Variants in GABRG3 observed in about 807,000 individuals in gnomAD.
GABRG3 encodes gamma-aminobutyric acid receptor subunit gamma-3.
GABRG3 carries 25 observed loss-of-function variants against 48.8 expected under a neutral mutation model. The observed-to-expected ratio is 0.51, with a 90% CI of 0.37 to 0.72. GABRG3 has a LOEUF of 0.72. GABRG3 is among the 30% of genes least tolerant of loss of function. The pLI, the probability that GABRG3 is intolerant of heterozygous loss-of-function variation, is 0.00. For missense variants in GABRG3, 394 were observed against 577.9 expected (o/e 0.68, Z 3.26); for synonymous variants, 227 against 217.6 (o/e 1.04, Z -0.38).
chr15:27,160,684 T>C (rs1459083529), intron 3 of GABRG3, among the ~76,000 whole-genome samples: 2 of 151,950 alleles, frequency 1.3e-5, no homozygotes, highest in Admixed American at 6.6e-5. Context: ...TTTTGGAGGA[T>C]CTTAACCATA....
chr15:27,193,218 C>T (rs887605796), intron 3 of GABRG3, among the ~76,000 whole-genome samples: 5 of 152,194 alleles, frequency 3.3e-5, no homozygotes, highest in African/African-American at 9.6e-5. Flanking sequence ...TCTCCAGCTG[C>T]GTGCTGGGAG....
At chr15:27,199,885 C>G (rs190130947) in intron 3 of GABRG3, among the ~76,000 whole-genome samples, 1 of 151,438 alleles carries the variant, frequency 6.6e-6, no homozygotes, top group Non-Finnish European at 1.5e-5. Context: ...TTCTTCCTCC[C>G]TCCCTGCTTC....
chr15:27,512,281 GAGT>G (rs971617466), intron 6 of GABRG3, among the ~76,000 whole-genome samples: 22 of 104,876 alleles, frequency 2.1e-4, no homozygotes, highest in Admixed American at 8.0e-4. Flanking sequence ...TGGTGCATTA[GAGT>G]AGTAAAATGT....
intron 3 of GABRG3, among the ~76,000 whole-genome samples, chr15:27,141,732 C>G (rs940107522): frequency 6.6e-6 from 1 of 152,146 alleles, no homozygotes; most frequent in Non-Finnish European, 1.5e-5. Context: ...TCATCCTGAA[C>G]AATATGTGTG....
rs372473410 is a variant in GABRG3 at position 27,223,765 on chromosome 15, AAC to A, written c.271-103041_271-103040del. Among the ~76,000 whole-genome samples, 120 of 152,202 alleles carry A rather than the reference AAC, an allele frequency of 7.9e-4. 3 individuals are homozygous for A. The East Asian group carries it at 0.022, about 28-fold the overall frequency. ...TGTGCTCTTGCCTCCCCTGCTGGGC[AAC>A]ACTCAGGTGAACCCAGTGAGTGCTG... On this transcript the variant is annotated intron_variant, in intron 3 of 9. Transcript: ENST00000615808.
At chr15:27,322,468 G>A (rs115769650) in intron 3 of GABRG3, among the ~76,000 whole-genome samples, 6,516 of 152,202 alleles carry the variant, frequency 0.043, 184 homozygotes, top group African/African-American at 0.067. Flanking sequence ...AATGGAAGAT[G>A]GGACATAGGA....
chr15:27,223,955 T>C (rs745751716), intron 3 of GABRG3, among the ~76,000 whole-genome samples: 2 of 152,264 alleles, frequency 1.3e-5, no homozygotes, highest in African/African-American at 2.4e-5. Flanking sequence ...TCCTTAACAC[T>C]GTATGTCTGC....
intron 2 of GABRG3, among the ~76,000 whole-genome samples, chr15:27,017,260 A>G (rs1895795572): frequency 6.6e-6 from 1 of 152,118 alleles, no homozygotes; most frequent in Non-Finnish European, 1.5e-5. Flanking sequence ...TGCACACTTA[A>G]TATATTAGGT....
intron 2 of GABRG3, among the ~76,000 whole-genome samples, chr15:27,022,033 G>C (rs974418005): frequency 1.3e-5 from 2 of 152,038 alleles, no homozygotes; most frequent in African/African-American, 4.8e-5. Flanking sequence ...ATTCCTCTGG[G>C]ATGCCTTCCT....
chr15:27,506,893 T>G (rs2150856690), intron 6 of GABRG3, among the ~76,000 whole-genome samples: 1 of 152,228 alleles, frequency 6.6e-6, no homozygotes, highest in South Asian at 2.1e-4. Flanking sequence ...TCTAGTTTCT[T>G]AAGGTGGTAG....
chr15:27,237,323 G>T (rs548762271), intron 3 of GABRG3, among the ~76,000 whole-genome samples: 1 of 152,358 alleles, frequency 6.6e-6, no homozygotes, highest in South Asian at 2.1e-4. Context: ...GATTTTAAAA[G>T]AAACATGACC....
intron 3 of GABRG3, among the ~76,000 whole-genome samples, chr15:27,122,154 C>A (rs886120654): frequency 1.3e-5 from 2 of 152,042 alleles, no homozygotes; most frequent in African/African-American, 4.8e-5. Context: ...GGATGGATAC[C>A]CCGTTCTCCA....
At chr15:27,358,819 C>T (rs1318307671) in intron 5 of GABRG3, among the ~76,000 whole-genome samples, 1 of 152,170 alleles carries the variant, frequency 6.6e-6, no homozygotes, top group Admixed American at 6.5e-5. Flanking sequence ...GCCTTTCTCC[C>T]TACGTAGGAG....
intron 3 of GABRG3, among the ~76,000 whole-genome samples, chr15:27,307,226 TTTATA>T (rs200316070): frequency 0.031 from 4,251 of 136,472 alleles, 155 homozygotes; most frequent in Non-Finnish European, 0.047. Context: ...TATAACCATG[TTTATA>T]TTATATGTTT....
chr15:27,247,590 C>T (rs1241296998), intron 3 of GABRG3, among the ~76,000 whole-genome samples: 2 of 152,164 alleles, frequency 1.3e-5, no homozygotes, highest in Non-Finnish European at 2.9e-5. Context: ...TAGAAAGGAG[C>T]CCTCACTGCT....
chr15:27,534,458 A>G lies in GABRG3; in HGVS notation c.*1577A>G, dbSNP rs1891504656. ...TGAAACTTCTCCTCACCAATAGGCAAAACACAAGTCCTACCAGTTAGTTAA... is the reference window on the plus strand; with the variant it reads ...TGAAACTTCTCCTCACCAATAGGCAGAACACAAGTCCTACCAGTTAGTTAA... On this transcript the variant is annotated 3_prime_UTR_variant, in exon 10 of 10. Transcript: ENST00000615808. 1.3e-5 allele frequency: 2 copies of G among 152,238 alleles called. No individual in the cohort carries two copies. Among genetic ancestry groups the G allele is most frequent in the Non-Finnish European group, 2.9e-5 (2 of 68,052 alleles). 9.4% of individuals were successfully genotyped at this position (152,238 alleles called of 1,614,324 possible).
At chr15:27,330,368 G>A (rs1724188269) in intron 5 of GABRG3, among the ~76,000 whole-genome samples, 1 of 152,194 alleles carries the variant, frequency 6.6e-6, no homozygotes, top group Admixed American at 6.5e-5. Flanking sequence ...ACCTTCAAAT[G>A]TAAAATATGT....
chr15:27,267,428 A>G (rs1251390787), intron 3 of GABRG3, among the ~76,000 whole-genome samples: 1 of 145,766 alleles, frequency 6.9e-6, no homozygotes, highest in East Asian at 2.0e-4. Flanking sequence ...TTAGAGTATC[A>G]TGTTAGCTCA....
At chr15:26,996,721 C>T (rs912016318) in intron 2 of GABRG3, among the ~76,000 whole-genome samples, 1 of 152,070 alleles carries the variant, frequency 6.6e-6, no homozygotes, top group Non-Finnish European at 1.5e-5. Flanking sequence ...TCAATCTCCG[C>T]TCACTGCAAG....
Sources: allele counts gnomAD v4.1 joint callset (sites outside exome capture counted in the v4.1 genomes callset), GRCh38; gene constraint gnomAD v4.1.1; transcripts MANE v1.5; gene names NCBI Gene and HGNC (gene_info 2026-07-23, HGNC 2026-07-21).